Variants in CEP97 observed in about 807,000 individuals in gnomAD.
CEP97 encodes the protein centrosomal protein 97.
A neutral mutation model predicts 73.1 loss-of-function variants in CEP97; 43 were observed. The observed-to-expected ratio is 0.59, with a 90% CI of 0.46 to 0.76. The LOEUF is 0.76. Ranked by LOEUF, CEP97 falls within the 30% of genes least tolerant of loss-of-function variation. The pLI is 0.00. For missense variants in CEP97, 939 were observed against 1,014.0 expected, an observed-to-expected ratio of 0.93 and a Z score of 1.00; for synonymous variants, 337 against 370.0, an observed-to-expected ratio of 0.91 and a Z score of 1.02.
chr3:101,741,938 G>T (rs1403067277), intron 6 of CEP97, among the ~76,000 whole-genome samples: 1 of 151,776 alleles, frequency 6.6e-6, no homozygotes, highest in Non-Finnish European at 1.5e-5. Flanking sequence ...GCTACTCAGG[G>T]GGCTGAGGCA....
At chr3:101,736,453 C>T (rs764114251) in intron 6 of CEP97, among the ~76,000 whole-genome samples, 15 of 152,160 alleles carry the variant, frequency 9.9e-5, no homozygotes, top group Admixed American at 3.9e-4. Context: ...AGGAGAACTC[C>T]GGCTGGCATT....
intron 6 of CEP97, among the ~76,000 whole-genome samples, chr3:101,753,827 A>G (rs1938921692): frequency 6.6e-6 from 1 of 152,148 alleles, no homozygotes; most frequent in Admixed American, 6.5e-5. Flanking sequence ...TTGACTAGGA[A>G]AGGGAACTCC....
chr3:101,750,806 C>T (rs1576691770), intron 6 of CEP97, among the ~76,000 whole-genome samples: 1 of 152,094 alleles, frequency 6.6e-6, no homozygotes, highest in Non-Finnish European at 1.5e-5. Flanking sequence ...TCTCTCTTTT[C>T]TTCTTTATTA....
intron 4 of CEP97, among the ~76,000 whole-genome samples, chr3:101,729,621 C>G (rs1212883115): frequency 6.6e-6 from 1 of 151,804 alleles, no homozygotes; most frequent in Non-Finnish European, 1.5e-5. Context: ...GCTCTGTCAC[C>G]CAGGCTAGAG....
chr3:101,739,712 C>T (rs937399963), intron 6 of CEP97, among the ~76,000 whole-genome samples: 37 of 152,138 alleles, frequency 2.4e-4, no homozygotes, highest in African/African-American at 8.7e-4. Context: ...TAAAGACCGG[C>T]CTGGCCAAAA....
At chr3:101,735,575 C>T (rs1938249550) in intron 6 of CEP97, among the ~76,000 whole-genome samples, 2 of 152,206 alleles carry the variant, frequency 1.3e-5, no homozygotes, top group African/African-American at 4.8e-5. Flanking sequence ...GGCGTTGCCT[C>T]ACCCGGGAAG....
At chr3:101,764,585 T>G (rs1216369170) in intron 10 of CEP97, among the ~76,000 whole-genome samples, 7 of 145,808 alleles carry the variant, frequency 4.8e-5, no homozygotes, top group Non-Finnish European at 9.0e-5. Context: ...CACTCCAGCC[T>G]GGGTAACAAG....
intron 6 of CEP97, among the ~76,000 whole-genome samples, chr3:101,751,279 A>T (rs2107172530): frequency 6.6e-6 from 1 of 152,246 alleles, no homozygotes; most frequent in South Asian, 2.1e-4. Context: ...TCTGAGAGAC[A>T]GTTTGTTATA....
At chr3:101,764,720 C>G in intron 10 of CEP97, 127 bp from the exon 11 acceptor site, 1 of 729,998 alleles carries the variant, frequency 1.4e-6, no homozygotes, top group South Asian at 1.9e-5. Context: ...GAGGTTGATG[C>G]TGCAGTGAGC....
intron 9 of CEP97, 106 bp downstream of exon 9, chr3:101,758,529 C>A: frequency 7.4e-7 from 1 of 1,344,572 alleles, no homozygotes; most frequent in Non-Finnish European, 1.0e-6. Flanking sequence ...ACTTTTCACA[C>A]AATGTAGCCA....
intron 6 of CEP97, among the ~76,000 whole-genome samples, chr3:101,745,536 G>T (rs1259495694): frequency 6.6e-6 from 1 of 151,582 alleles, no homozygotes; most frequent in East Asian, 1.9e-4. Flanking sequence ...AAAGTGCTGG[G>T]ATTACAGATA....
At chr3:101,748,944 G>A (rs911354068) in intron 6 of CEP97, among the ~76,000 whole-genome samples, 10 of 152,050 alleles carry the variant, frequency 6.6e-5, no homozygotes, top group African/African-American at 2.4e-4. Context: ...CCGGCCCATG[G>A]AAGGAATACT....
In CEP97 at chr3:101,762,548, C is replaced by T; in HGVS notation, c.1881C>T (p.Phe627=). Residue 627 remains phenylalanine (F), a synonymous_variant, in exon 10 of 11, where the codon TTC becomes TTT. Transcript: ENST00000341893. ...KKFVQEEAFR[F]LWNQVRSLQV... ...TTGTACAAGAAGAAGCTTTCAGATT[C>T]CTTTGGAACCAGGTAAACTCCCTCC... 1 of 1,609,302 alleles carries T rather than the reference C, an allele frequency of 6.2e-7. No homozygotes were observed. Among genetic ancestry groups the T allele is most frequent in the Admixed American group, 1.7e-5 (1 of 59,212 alleles).
At chr3:101,754,074 A>G (rs1434972827) in intron 6 of CEP97, among the ~76,000 whole-genome samples, 2 of 143,010 alleles carry the variant, frequency 1.4e-5, no homozygotes, top group Non-Finnish European at 3.0e-5. Flanking sequence ...TTTTTAAGAA[A>G]CAAGAGTCTT....
In CEP97 at chr3:101,727,491, A is replaced by G; in HGVS notation, c.295A>G (p.Lys99Glu). ...TAGCATTGGCTGTGTGGAAGGGCTA[A>G]AGGAACTAGTACATCTGGAATGGCT... ...HNSIGCVEGL[K>E]ELVHLEWLNL... is the part of the protein sequence containing the mutation. Residue 99 changes from lysine (K) to glutamate (E), a missense_variant, in exon 3 of 11, where the codon AAG (lysine) becomes GAG (glutamate). Coordinates refer to ENST00000341893, the MANE Select transcript of CEP97 (RefSeq NM_024548.4). 1.2e-6 allele frequency: 2 copies of G among 1,613,668 alleles called. No individual in the cohort carries two copies. Among genetic ancestry groups the G allele is most frequent in the Non-Finnish European group, 1.7e-6 (2 of 1,179,748 alleles).
chr3:101,742,589 G>A (rs369763022), intron 6 of CEP97, among the ~76,000 whole-genome samples: 65 of 152,052 alleles, frequency 4.3e-4, no homozygotes, highest in African/African-American at 1.6e-3. Context: ...GGGCCTGTTG[G>A]GTGGGGGCTA....
intron 6 of CEP97, among the ~76,000 whole-genome samples, chr3:101,750,047 G>GT (rs71132596): frequency 0.25 from 31,735 of 128,436 alleles, 4,476 homozygotes; most frequent in Non-Finnish European, 0.29. Context: ...TGCTTTTGGT[G>GT]TTTAGACATG....
chr3:101,764,345 C>T (rs1222854588), intron 10 of CEP97, among the ~76,000 whole-genome samples: 1 of 152,128 alleles, frequency 6.6e-6, no homozygotes, highest in Non-Finnish European at 1.5e-5. Context: ...GACACGGTGG[C>T]TCACGCCTGT....
chr3:101,744,180 A>G (rs1938541084), intron 6 of CEP97, among the ~76,000 whole-genome samples: 1 of 152,134 alleles, frequency 6.6e-6, no homozygotes, highest in Admixed American at 6.6e-5. Flanking sequence ...TGTATACTGT[A>G]TAGAAATAGC....
Sources: gnomAD v4.1 joint callset for allele counts (sites outside exome capture counted in the v4.1 genomes callset) on GRCh38, gnomAD v4.1.1 for gene constraint, MANE v1.5 for transcripts, NCBI Gene and HGNC (gene_info 2026-07-23, HGNC 2026-07-21) for gene names.